The following MED23 variants were observed in gnomAD, a reference collection of about 807,000 sequenced individuals.
MED23 encodes the protein mediator of RNA polymerase II transcription subunit 23.
MED23 carries 105 observed loss-of-function variants against 163.9 expected under a neutral mutation model. The observed-to-expected ratio is 0.64, with a 90% CI of 0.55 to 0.75. The LOEUF (loss-of-function observed/expected upper bound fraction) is 0.75, where lower values mean the gene tolerates loss of function less well. Ranked by LOEUF, MED23 falls within the 30% of genes least tolerant of loss-of-function variation. The pLI is 0.00. For synonymous variants in MED23, 561 were observed against 565.6 expected, an observed-to-expected ratio of 0.99 and a Z score of 0.12; for missense variants, 1,054 against 1,649.0, an observed-to-expected ratio of 0.64 and a Z score of 6.25.
intron 3 of MED23, among the ~76,000 whole-genome samples, 194 bp from the exon 4 acceptor site, chr6:131,625,183 T>G (rs1777394563): frequency 6.6e-6 from 1 of 152,222 alleles, no homozygotes; most frequent in Non-Finnish European, 1.5e-5. Flanking sequence ...AAGCTTAACA[T>G]TTTGTAATTA....
chr6:131,600,589 A>T (rs914340930), intron 17 of MED23, among the ~76,000 whole-genome samples: 15 of 152,224 alleles, frequency 9.9e-5, no homozygotes, highest in African/African-American at 3.4e-4. Context: ...AGGGTTCTTT[A>T]TGTAAAACAA....
intron 10 of MED23, among the ~76,000 whole-genome samples, chr6:131,612,753 T>C (rs1176179249): frequency 6.6e-6 from 1 of 152,116 alleles, no homozygotes; most frequent in Non-Finnish European, 1.5e-5. Context: ...AAGCTAAAAA[T>C]CAGGCAAAAG....
chr6:131,606,846 TA>T (rs1775890445), intron 12 of MED23, among the ~76,000 whole-genome samples: 1 of 152,168 alleles, frequency 6.6e-6, no homozygotes, highest in East Asian at 1.9e-4. Context: ...TTGCTTTAAG[TA>T]ACACATATTC....
chr6:131,589,672 T>A (rs1423354247), intron 27 of MED23, 76 bp from the exon 28 acceptor site: 28 of 1,376,080 alleles, frequency 2.0e-5, no homozygotes, highest in Admixed American at 6.7e-5. Context: ...CTGGGCTCCA[T>A]TACAACACTA....
chr6:131,623,769 C>T (rs1308260645), intron 4 of MED23, among the ~76,000 whole-genome samples: 1 of 152,160 alleles, frequency 6.6e-6, no homozygotes, highest in East Asian at 1.9e-4. Context: ...TTCTAAGTTT[C>T]CTGAGGCCTC....
At chr6:131,621,525 C>T (rs1219818383) in intron 6 of MED23, among the ~76,000 whole-genome samples, 2 of 152,066 alleles carry the variant, frequency 1.3e-5, no homozygotes, top group Non-Finnish European at 2.9e-5. Context: ...TAACCTTGCA[C>T]ATGCTTTAAA....
intron 17 of MED23, 62 bp from the exon 18 acceptor site, chr6:131,600,224 A>T: frequency 6.9e-7 from 1 of 1,453,360 alleles, no homozygotes; most frequent in Non-Finnish European, 9.6e-7. Flanking sequence ...TTCATAAAAG[A>T]TTATAGCGAA....
intron 30 of MED23, among the ~76,000 whole-genome samples, chr6:131,579,857 T>A (rs1035646675): frequency 2.1e-4 from 31 of 149,220 alleles, no homozygotes; most frequent in South Asian, 6.4e-4. Context: ...TGTGTGTGTG[T>A]GAGAGAGAGA....
downstream of MED23, chr6:131,583,842 G>T: frequency 1.9e-6 from 3 of 1,614,068 alleles, no homozygotes; most frequent in Non-Finnish European, 2.5e-6. Context: ...CAATAACCTT[G>T]GCTTGTTTCG....
At chr6:131,627,329 G>GAAAAAAAAAAAAA (rs60163644) in intron 3 of MED23, 67 bp downstream of exon 3, 28 of 875,016 alleles carry the variant, frequency 3.2e-5, no homozygotes, top group East Asian at 1.3e-4. Context: ...AATGTTAAAA[G>GAAAAAAAAAAAAA]AAAAAAAAAA....
intron 10 of MED23, among the ~76,000 whole-genome samples, chr6:131,614,260 C>G (rs1253455533): frequency 2.0e-5 from 3 of 152,260 alleles, no homozygotes; most frequent in Middle Eastern, 6.8e-3. Flanking sequence ...AAAAGAGATA[C>G]TGCTATTAGG....
intron 10 of MED23, among the ~76,000 whole-genome samples, chr6:131,614,444 C>T (rs1776516128): frequency 6.6e-6 from 1 of 152,108 alleles, no homozygotes; most frequent in South Asian, 2.1e-4. Context: ...AATCAAAAAG[C>T]TGGTCTATTT....
intron 11 of MED23, 55 bp from the exon 12 acceptor site, chr6:131,608,126 C>T: frequency 6.3e-7 from 1 of 1,593,522 alleles, no homozygotes; most frequent in Non-Finnish European, 8.6e-7. Context: ...GAGATGAATA[C>T]AGGAAGTTTT....
chr6:131,585,629 T>C (rs573975230), downstream of MED23, among the ~76,000 whole-genome samples: 35 of 152,314 alleles, frequency 2.3e-4, no homozygotes, highest in Non-Finnish European at 3.7e-4. Flanking sequence ...AACTAGTGTA[T>C]TGAATAGCAC....
At chr6:131,615,220 A>G (rs1455380983) in intron 10 of MED23, 9 of 1,361,280 alleles carry the variant, frequency 6.6e-6, no homozygotes, top group Non-Finnish European at 9.4e-6. Context: ...TGGTCCTGCC[A>G]ATTTCAAGCC....
At chr6:131,622,260 G>A (rs1222134003) in intron 5 of MED23, among the ~76,000 whole-genome samples, 19 of 152,052 alleles carry the variant, frequency 1.2e-4, no homozygotes, top group Admixed American at 1.2e-3. Flanking sequence ...TTGTTACAAG[G>A]GTCAAAAACC....
In MED23 at chr6:131,615,562, C is replaced by G. The variant is rs1776625385; in HGVS notation, c.876+345G>C. 7.2e-6 allele frequency: 3 copies of G among 413,854 alleles called. No homozygotes were observed. In the African/African-American group the frequency reaches 8.1e-5, roughly 11 times the overall value. The allele number at this position is 413,854 out of a possible 1,614,324, so 25.6% of individuals were successfully genotyped here. On this transcript the variant is annotated intron_variant, in intron 10 of 28. Coordinates refer to ENST00000368068, the MANE Select transcript of MED23 (RefSeq NM_004830.4). Reference sequence around the variant, plus strand: ...CAGCAAGAAGGCCACGCTGAAGATACCAAGGGTTATATAAAAATAGACACC... The same window carrying G: ...CAGCAAGAAGGCCACGCTGAAGATAGCAAGGGTTATATAAAAATAGACACC...
In MED23 at chr6:131,586,907, A is replaced by G; in HGVS notation, c.*772T>C. 4 of 1,453,086 alleles carry G rather than the reference A, an allele frequency of 2.8e-6. No individual in the cohort carries two copies. Among genetic ancestry groups the G allele is most frequent in the Non-Finnish European group, 3.7e-6 (4 of 1,073,862 alleles). 90.0% of individuals were successfully genotyped at this position (1,453,086 alleles called of 1,614,324 possible). ...ATTTTAAGATTATAAAAATTGAAGAATTACATCATCTGTCAGGTGAGAGTG... is the reference window on the plus strand; with the variant it reads ...ATTTTAAGATTATAAAAATTGAAGAGTTACATCATCTGTCAGGTGAGAGTG... On this transcript the variant is annotated 3_prime_UTR_variant, in exon 29 of 29. Transcript: ENST00000368068.
At chr6:131,600,499 A>C (rs986733952) in intron 17 of MED23, among the ~76,000 whole-genome samples, 1 of 152,254 alleles carries the variant, frequency 6.6e-6, no homozygotes, top group Non-Finnish European at 1.5e-5. Context: ...TTATTCGGCC[A>C]AGGGAACAGA....
Sources: allele counts gnomAD v4.1 joint callset (sites outside exome capture counted in the v4.1 genomes callset), GRCh38; gene constraint gnomAD v4.1.1; transcripts MANE v1.5; gene names NCBI Gene and HGNC (gene_info 2026-07-23, HGNC 2026-07-21).